OSBPL8: variants seen among roughly 807,000 people sequenced by gnomAD.
OSBPL8 encodes the protein oxysterol-binding protein-related protein 8.
A neutral mutation model predicts 125.5 loss-of-function variants in OSBPL8; 59 were observed. The observed-to-expected ratio is 0.47, with a 90% CI of 0.38 to 0.58. The LOEUF (loss-of-function observed/expected upper bound fraction) is 0.58. Ranked by LOEUF, OSBPL8 falls within the 20% of genes least tolerant of loss-of-function variation. The pLI is 0.00. For missense variants in OSBPL8, 758 were observed against 1,047.8 expected, an observed-to-expected ratio of 0.72 and a Z score of 3.82; for synonymous variants, 330 against 338.9, an observed-to-expected ratio of 0.97 and a Z score of 0.29.
intron 15 of OSBPL8, among the ~76,000 whole-genome samples, chr12:76,380,520 C>G (rs1020000169): frequency 2.2e-5 from 2 of 92,338 alleles, no homozygotes; most frequent in Non-Finnish European, 3.9e-5. Context: ...CATAGTGAGA[C>G]ACTGTCCCAA....
intron 12 of OSBPL8, among the ~76,000 whole-genome samples, chr12:76,388,008 T>C (rs1212007541): frequency 6.6e-6 from 1 of 152,180 alleles, no homozygotes; most frequent in Non-Finnish European, 1.5e-5. Context: ...ATAAACAGTC[T>C]TGCTTTTCTT....
At position 76,470,740 on chromosome 12, in the gene OSBPL8, G is replaced by A. The variant is rs1876038215; in HGVS notation, c.43-10845C>T. Among the ~76,000 whole-genome samples, 7 of 152,256 alleles carry A rather than the reference G, an allele frequency of 4.6e-5. No homozygotes were observed. The South Asian group carries it at 1.2e-3, about 27-fold the overall frequency. On this transcript the variant is annotated intron_variant, in intron 2 of 23. Transcript: ENST00000261183. ...AGGCAAGACTGCTAATAATAACATGGAAACGTCAACCCCCATGACTCATCA... is the reference window on the plus strand; with the variant it reads ...AGGCAAGACTGCTAATAATAACATGAAAACGTCAACCCCCATGACTCATCA...
intron 1 of OSBPL8, among the ~76,000 whole-genome samples, chr12:76,502,892 A>G (rs545143280): frequency 6.6e-6 from 1 of 152,336 alleles, no homozygotes; most frequent in East Asian, 1.9e-4. Flanking sequence ...TTATGAATAC[A>G]GTTGTGTATC....
intron 15 of OSBPL8, among the ~76,000 whole-genome samples, chr12:76,381,950 G>A (rs1214898680): frequency 6.6e-6 from 1 of 152,064 alleles, no homozygotes. Flanking sequence ...GGCCTGGCTA[G>A]TATTGAACTC....
At chr12:76,380,526 C>A (rs1288288902) in intron 15 of OSBPL8, among the ~76,000 whole-genome samples, 1 of 18,826 alleles carries the variant, frequency 5.3e-5, no homozygotes, top group Non-Finnish European at 9.0e-5. Context: ...GAGACACTGT[C>A]CCAAAAAAAA....
chr12:76,386,397 T>G, intron 13 of OSBPL8, 131 bp from the exon 14 acceptor site: 1 of 1,353,152 alleles, frequency 7.4e-7, no homozygotes, highest in South Asian at 1.7e-5. Flanking sequence ...AAATAAAATT[T>G]ACATTAAATA....
At position 76,515,093 on chromosome 12, in the gene OSBPL8, C is replaced by T. The variant is rs76894016; in HGVS notation, c.-67-27475G>A. Among the ~76,000 whole-genome samples the T allele has an allele frequency of 2.0e-5, 3 of 152,148 alleles. No individual in the cohort carries two copies. In the South Asian group the frequency reaches 6.2e-4, roughly 32 times the overall value. On this transcript the variant is annotated intron_variant, in intron 1 of 23. Coordinates refer to ENST00000261183, the MANE Select transcript of OSBPL8 (RefSeq NM_020841.5). ...TTTCCTTGGATTGGATTTTTCTGTA[C>T]TCCTGAATCTCAATGATATTCATTC... is the stretch of plus-strand genomic sequence containing the variant.
chr12:76,500,621 T>C (rs1488102369), intron 1 of OSBPL8, among the ~76,000 whole-genome samples: 2 of 152,202 alleles, frequency 1.3e-5, no homozygotes, highest in South Asian at 2.1e-4. Flanking sequence ...CCCAATACTT[T>C]TATAGTTTCT....
At chr12:76,489,861 C>T (rs954694232) in intron 1 of OSBPL8, among the ~76,000 whole-genome samples, 4 of 152,188 alleles carry the variant, frequency 2.6e-5, no homozygotes, top group African/African-American at 4.8e-5. Flanking sequence ...AGTTTGAAAA[C>T]CTAATGGAAA....
intron 1 of OSBPL8, among the ~76,000 whole-genome samples, chr12:76,505,474 A>G (rs569362416): frequency 3.3e-5 from 5 of 152,164 alleles, no homozygotes; most frequent in Non-Finnish European, 5.9e-5. Flanking sequence ...ACCTGACCTG[A>G]TAATTTTTTA....
intron 3 of OSBPL8, among the ~76,000 whole-genome samples, chr12:76,453,062 A>G (rs1565908931): frequency 6.6e-6 from 1 of 151,754 alleles, no homozygotes; most frequent in South Asian, 2.1e-4. Context: ...ACTTTACCTT[A>G]CATGATTTTC....
chr12:76,537,823 C>T (rs1467390325), intron 1 of OSBPL8: 1 of 152,244 alleles, frequency 6.6e-6, no homozygotes, highest in African/African-American at 2.4e-5. Context: ...GCATGAGAAT[C>T]ACTTGATCCC....
chr12:76,365,085 A>T (rs1200427072), intron 21 of OSBPL8, among the ~76,000 whole-genome samples: 1 of 152,038 alleles, frequency 6.6e-6, no homozygotes, highest in Non-Finnish European at 1.5e-5. Flanking sequence ...CTTCCCGAGT[A>T]GCTGAGACTA....
intron 17 of OSBPL8, 104 bp from the exon 18 acceptor site, chr12:76,373,537 T>C (rs1463187865): frequency 1.6e-6 from 1 of 626,420 alleles, no homozygotes; most frequent in Admixed American, 3.2e-5. Flanking sequence ...ATAGTTACAG[T>C]ACTATTGAAT....
Position 76,378,514 on chromosome 12 carries a change from C to T in OSBPL8, c.1667G>A (p.Arg556Gln), listed in dbSNP as rs777360023. The T allele has an allele frequency of 3.7e-6, 6 of 1,605,964 alleles. No homozygotes were observed. The highest frequency in any genetic ancestry group is 4.5e-5 in the East Asian group (2 of 44,714). The change falls in exon 16 of 24, where the codon CGG (arginine) becomes CAG (glutamine). Residue 556 changes from arginine to glutamine, a missense_variant. Around this residue, in one of 3 missense-constraint regions of OSBPL8, gnomAD observed 572 missense variants for 762.0 expected, o/e 0.75. Coordinates refer to ENST00000261183, the MANE Select transcript of OSBPL8 (RefSeq NM_020841.5). ...TTCACCTCTATTCAAGAAAGTTAAC[C>T]GTGCTTCTCCCTCTAATATTGCAGA... Reference protein sequence around the residue: ...SLSAILEGEARLTFLNRGEDY... With the variant: ...SLSAILEGEAQLTFLNRGEDY...
rs1189725050 is a variant in OSBPL8, at chr12:76,487,493, A to G, written c.42+17T>C. On this transcript the variant is annotated intron_variant, in intron 2 of 23. Transcript: ENST00000261183. ...AGTTACAGATGATAGAACCTATGTCATATATGAACTACTCACCGAAGTTCG... is the reference window on the plus strand; with the variant it reads ...AGTTACAGATGATAGAACCTATGTCGTATATGAACTACTCACCGAAGTTCG... 5.0e-6 allele frequency: 8 copies of G among 1,586,156 alleles called. No homozygotes were observed. The highest frequency in any genetic ancestry group is 6.8e-6 in the Non-Finnish European group (8 of 1,168,716).
chr12:76,525,760 T>A (rs1950154982), intron 1 of OSBPL8, among the ~76,000 whole-genome samples: 1 of 152,284 alleles, frequency 6.6e-6, no homozygotes, highest in South Asian at 2.1e-4. Context: ...TGTCCCCAAA[T>A]GTAATAACAT....
At chr12:76,376,364 C>T (rs1166789476) in intron 16 of OSBPL8, among the ~76,000 whole-genome samples, 1 of 152,178 alleles carries the variant, frequency 6.6e-6, no homozygotes, top group Non-Finnish European at 1.5e-5. Context: ...ACAGACTATG[C>T]AATGTTTCTC....
chr12:76,514,311 ATT>A (rs372291232), intron 1 of OSBPL8, among the ~76,000 whole-genome samples: 1 of 144,916 alleles, frequency 6.9e-6, no homozygotes. Flanking sequence ...CGCCCAGCTA[ATT>A]TTTTTTTTTT....
Sources: allele counts gnomAD v4.1 joint callset (sites outside exome capture counted in the v4.1 genomes callset), GRCh38; gene constraint gnomAD v4.1.1; regional missense constraint gnomAD v4.1.1; transcripts MANE v1.5; gene names NCBI Gene and HGNC (gene_info 2026-07-23, HGNC 2026-07-21).